The following NT5C2 variants were observed in gnomAD, a reference collection of about 807,000 sequenced individuals.
NT5C2 encodes cytosolic purine 5'-nucleotidase.
In NT5C2, 58 loss-of-function variants were observed where a neutral mutation model predicts 76.1. The ratio of observed to expected loss-of-function variants is 0.76; its 90% CI spans 0.62 to 0.95. The LOEUF (loss-of-function observed/expected upper bound fraction) is 0.95. Among genes scored for constraint, NT5C2 ranks in the 40% least tolerant of loss-of-function variants. The pLI, the probability that NT5C2 is intolerant of heterozygous loss-of-function variation, is 0.00. For missense variants in NT5C2, 478 were observed against 690.3 expected, an observed-to-expected ratio of 0.69 and a Z score of 3.45; for synonymous variants, 229 against 237.4, an observed-to-expected ratio of 0.96 and a Z score of 0.32.
chr10:103,187,984 T>C (rs934463627), intron 1 of NT5C2, among the ~76,000 whole-genome samples: 6 of 152,250 alleles, frequency 3.9e-5, no homozygotes, highest in Admixed American at 1.3e-4. Context: ...CCTGTCCTTA[T>C]GAATTTATAG....
rs531486566 is a variant in NT5C2, at chr10:103,192,697, C to A, written c.-169+539G>T. Among the ~76,000 whole-genome samples, 10 of 152,296 alleles carry A rather than the reference C, an allele frequency of 6.6e-5. No individual in the cohort carries two copies. In the East Asian group the frequency reaches 1.9e-3, roughly 30 times the overall value. Reference sequence around the variant, plus strand: ...TCCTGCTAAAACGCTGTCAACCTGGCGCTCCACCAGAGGCCCCTTGGCTTC... The same window carrying A: ...TCCTGCTAAAACGCTGTCAACCTGGAGCTCCACCAGAGGCCCCTTGGCTTC... On this transcript the variant is annotated intron_variant, in intron 1 of 18. Transcript: ENST00000404739.
chr10:103,159,251 GCA>G (rs57117670), intron 3 of NT5C2, among the ~76,000 whole-genome samples: 23,776 of 133,004 alleles, frequency 0.18, 1,868 homozygotes, highest in Middle Eastern at 0.22. Flanking sequence ...TCCAAAACAT[GCA>G]CACACACACA....
chr10:103,091,220 G>C (rs1230080042), intron 16 of NT5C2, among the ~76,000 whole-genome samples: 1 of 152,106 alleles, frequency 6.6e-6, no homozygotes, highest in African/African-American at 2.4e-5. Flanking sequence ...ATTTCTGGTA[G>C]AGATGGGGTT....
At chr10:103,097,448 G>C in intron 10 of NT5C2, 74 bp from the exon 11 acceptor site, 1 of 1,272,628 alleles carries the variant, frequency 7.9e-7, no homozygotes, top group South Asian at 1.2e-5. Flanking sequence ...TCAAATACTG[G>C]ATTTCTGTCC....
chr10:103,141,769 C>T (rs1045570295), intron 3 of NT5C2, among the ~76,000 whole-genome samples: 12 of 152,154 alleles, frequency 7.9e-5, no homozygotes, highest in African/African-American at 2.9e-4. Flanking sequence ...GTCTATTACA[C>T]CCAGATACTG....
intron 3 of NT5C2, among the ~76,000 whole-genome samples, chr10:103,174,188 C>G (rs796311587): frequency 6.6e-6 from 1 of 152,038 alleles, no homozygotes; most frequent in African/African-American, 2.4e-5. Flanking sequence ...GGGGAGATCA[C>G]TTGAGGCCAG....
At chr10:103,137,005 A>C (rs758447095) in intron 4 of NT5C2, among the ~76,000 whole-genome samples, 5 of 152,310 alleles carry the variant, frequency 3.3e-5, no homozygotes, top group Admixed American at 6.5e-5. Flanking sequence ...GTTTTCAGTA[A>C]CAAAATGTGC....
intron 1 of NT5C2, among the ~76,000 whole-genome samples, chr10:103,185,491 T>C (rs2091895280): frequency 1.3e-5 from 2 of 151,538 alleles, no homozygotes; most frequent in African/African-American, 2.4e-5. Flanking sequence ...TATAAAAACA[T>C]GCAAAAATTA....
intron 3 of NT5C2, among the ~76,000 whole-genome samples, chr10:103,143,614 T>G (rs986506369): frequency 1.5e-5 from 2 of 135,304 alleles, no homozygotes; most frequent in Admixed American, 7.6e-5. Context: ...TTTTTTTTTT[T>G]TTTTTTTTTT....
intron 1 of NT5C2, among the ~76,000 whole-genome samples, chr10:103,191,401 G>C (rs201985225): frequency 1.3e-5 from 1 of 77,552 alleles, no homozygotes. Flanking sequence ...AAAAAAAAGA[G>C]AGAGAGAGGA....
chr10:103,131,024 C>T (rs1321974558), intron 4 of NT5C2, among the ~76,000 whole-genome samples: 27 of 152,178 alleles, frequency 1.8e-4, no homozygotes, highest in Non-Finnish European at 1.5e-5. Flanking sequence ...TTTGAGGAAA[C>T]CCTATGTAGC....
At chr10:103,132,526 C>G (rs901415602) in intron 4 of NT5C2, among the ~76,000 whole-genome samples, 1 of 152,024 alleles carries the variant, frequency 6.6e-6, no homozygotes, top group African/African-American at 2.4e-5. Flanking sequence ...ATTTTTGTAG[C>G]TCTTCTGTAG....
At chr10:103,147,779 G>C (rs2081726879) in intron 3 of NT5C2, among the ~76,000 whole-genome samples, 1 of 152,176 alleles carries the variant, frequency 6.6e-6, no homozygotes, top group Non-Finnish European at 1.5e-5. Context: ...GCTTAAACTA[G>C]AAACTTAATA....
At chr10:103,109,553 T>C (rs984396239) in intron 4 of NT5C2, among the ~76,000 whole-genome samples, 8 of 152,178 alleles carry the variant, frequency 5.3e-5, no homozygotes, top group Admixed American at 1.3e-4. Flanking sequence ...GCTAAGTAAT[T>C]TGGGTAATCT....
At chr10:103,108,916 G>A (rs1228063467) in intron 4 of NT5C2, among the ~76,000 whole-genome samples, 3 of 151,218 alleles carry the variant, frequency 2.0e-5, no homozygotes, top group African/African-American at 7.3e-5. Flanking sequence ...GGAGTGCAGT[G>A]GCCGTGATCT....
intron 4 of NT5C2, among the ~76,000 whole-genome samples, chr10:103,128,135 G>A (rs2077065336): frequency 6.7e-6 from 1 of 149,840 alleles, no homozygotes; most frequent in East Asian, 2.1e-4. Flanking sequence ...AGCCGAAGCT[G>A]GACTGTACTG....
chr10:103,156,746 ACT>A (rs1210819955), intron 3 of NT5C2, among the ~76,000 whole-genome samples: 1 of 132,698 alleles, frequency 7.5e-6, no homozygotes, highest in East Asian at 2.2e-4. Flanking sequence ...CAAGAGCGAA[ACT>A]CTATCTCAAA....
chr10:103,184,559 C>A (rs1193245563), intron 1 of NT5C2, among the ~76,000 whole-genome samples: 1 of 152,134 alleles, frequency 6.6e-6, no homozygotes, highest in Non-Finnish European at 1.5e-5. Flanking sequence ...CTGCTGTATC[C>A]CCAGCATCTC....
Position 103,089,979 on chromosome 10 carries a change from TCTC to T in NT5C2, c.1450-74_1450-72del. ...TAGCTACTCCCCAAATCCTAACCCC[TCTC>T]CTCTGTTAGGTGGCCATGCAATTAC... On this transcript the variant is annotated intron_variant, in intron 18 of 18. Transcript: ENST00000404739. 3.9e-6 allele frequency: 5 copies of T among 1,268,276 alleles called. No homozygotes were observed. Among genetic ancestry groups the T allele is most frequent in the Non-Finnish European group, 5.4e-6 (5 of 920,058 alleles). The allele number at this position is 1,268,276 out of a possible 1,614,324, so 78.6% of individuals were successfully genotyped here.
Sources: allele counts gnomAD v4.1 joint callset (sites outside exome capture counted in the v4.1 genomes callset), GRCh38; gene constraint gnomAD v4.1.1; transcripts MANE v1.5; gene names NCBI Gene and HGNC (gene_info 2026-07-23, HGNC 2026-07-21).